TMEM232: variants seen among roughly 807,000 people sequenced by gnomAD.
TMEM232 encodes transmembrane protein 232.
TMEM232 carries 80 observed loss-of-function variants against 78.8 expected under a neutral mutation model. The observed-to-expected ratio is 1.01, with a 90% CI of 0.85 to 1.22. The LOEUF (loss-of-function observed/expected upper bound fraction) is 1.22, where lower values mean the gene tolerates loss of function less well. Ranked by LOEUF, TMEM232 falls within the 50% of genes most tolerant of loss-of-function variation. The pLI is 0.00. For synonymous variants in TMEM232, 297 were observed against 254.3 expected (o/e 1.17, Z -1.60); for missense variants, 881 against 742.2 (o/e 1.19, Z -2.17).
At position 110,699,114 on chromosome 5, in the gene TMEM232, T is replaced by C. The variant is rs1397569177; in HGVS notation, c.-13+27513A>G. ...CAAACAAAAAAAGCAGGTAAAATAC[T>C]TAAGGTCCTCTGGGAAATGCTCACA... On this transcript the variant is annotated intron_variant, in intron 1 of 13. Transcript: ENST00000455884. 2.0e-5 allele frequency among the ~76,000 whole-genome samples: 3 copies of C among 152,120 alleles called. No homozygotes were observed. In the East Asian group the frequency reaches 5.8e-4, roughly 29 times the overall value.
chr5:110,701,885 T>C (rs572234635), intron 1 of TMEM232, among the ~76,000 whole-genome samples: 68 of 152,118 alleles, frequency 4.5e-4, no homozygotes, highest in African/African-American at 1.6e-3. Context: ...AGAGAAGTCA[T>C]GAGGTATCCA....
chr5:110,487,020 G>T (rs979991168), intron 12 of TMEM232, among the ~76,000 whole-genome samples: 1 of 151,778 alleles, frequency 6.6e-6, no homozygotes, highest in Non-Finnish European at 1.5e-5. Context: ...CCTTCTAGAG[G>T]TCTTTCACCT....
At chr5:110,412,041 T>TA (rs1283136564) in intron 2 of TMEM232, among the ~76,000 whole-genome samples, 4 of 152,170 alleles carry the variant, frequency 2.6e-5, no homozygotes, top group Non-Finnish European at 2.9e-5. Flanking sequence ...CCCATCTTCT[T>TA]AGTGCTTTGA....
At chr5:110,475,378 T>C (rs950106045) in intron 12 of TMEM232, among the ~76,000 whole-genome samples, 1 of 151,686 alleles carries the variant, frequency 6.6e-6, no homozygotes, top group Non-Finnish European at 1.5e-5. Flanking sequence ...CCCTGACAGA[T>C]TGTACTTTTA....
chr5:110,686,032 A>C (rs776504494), intron 1 of TMEM232, among the ~76,000 whole-genome samples: 1 of 151,820 alleles, frequency 6.6e-6, no homozygotes. Flanking sequence ...GGATGGTAAC[A>C]TGGGTATATG....
At chr5:110,423,273 T>C (rs373612186) in intron 13 of TMEM232, among the ~76,000 whole-genome samples, 2 of 152,294 alleles carry the variant, frequency 1.3e-5, no homozygotes, top group African/African-American at 4.8e-5. Context: ...AATAGACTCA[T>C]TTACTTAAAA....
chr5:110,561,663 T>C (rs1288009363), intron 11 of TMEM232, among the ~76,000 whole-genome samples: 1 of 152,076 alleles, frequency 6.6e-6, no homozygotes, highest in African/African-American at 2.4e-5. Flanking sequence ...CAACCACTTA[T>C]TTAGCATATA....
At chr5:110,576,051 G>A (rs1777540181) in intron 10 of TMEM232, among the ~76,000 whole-genome samples, 1 of 151,920 alleles carries the variant, frequency 6.6e-6, no homozygotes, top group South Asian at 2.1e-4. Flanking sequence ...CAATTCCACA[G>A]CACCTTGCAG....
intron 2 of TMEM232, among the ~76,000 whole-genome samples, chr5:110,413,387 T>G (rs2112585405): frequency 6.6e-6 from 1 of 152,280 alleles, no homozygotes; most frequent in Admixed American, 6.5e-5. Context: ...ACTTTTGAGG[T>G]TTTGAGACTT....
At chr5:110,433,099 ATAAATT>A (rs1199872038) in intron 12 of TMEM232, among the ~76,000 whole-genome samples, 1 of 151,690 alleles carries the variant, frequency 6.6e-6, no homozygotes, top group African/African-American at 2.4e-5. Context: ...CTAAGAAATT[ATAAATT>A]TAAATTTGAC....
At chr5:110,648,305 G>C (rs954230592) in intron 2 of TMEM232, among the ~76,000 whole-genome samples, 5 of 152,070 alleles carry the variant, frequency 3.3e-5, no homozygotes, top group African/African-American at 1.2e-4. Flanking sequence ...GCGTGTGGTT[G>C]TGTAAATTGG....
At chr5:110,522,537 A>AGC (rs1191498120) in intron 12 of TMEM232, among the ~76,000 whole-genome samples, 2 of 152,164 alleles carry the variant, frequency 1.3e-5, no homozygotes, top group Non-Finnish European at 2.9e-5. Context: ...GTATGATGTT[A>AGC]GCTGTGGACT....
At chr5:110,685,562 G>A (rs1462580341) in intron 1 of TMEM232, among the ~76,000 whole-genome samples, 1 of 152,078 alleles carries the variant, frequency 6.6e-6, no homozygotes, top group African/African-American at 2.4e-5. Flanking sequence ...TGATGGCAGT[G>A]AAAATAAGCT....
At chr5:110,518,896 AG>A in intron 12 of TMEM232, among the ~76,000 whole-genome samples, 1 of 152,312 alleles carries the variant, frequency 6.6e-6, no homozygotes, top group Non-Finnish European at 1.5e-5. Flanking sequence ...CATATAAATA[AG>A]CACAAAAATA....
At chr5:110,712,760 A>G (rs1796622527) in intron 1 of TMEM232, among the ~76,000 whole-genome samples, 1 of 152,146 alleles carries the variant, frequency 6.6e-6, no homozygotes. Flanking sequence ...TGCAATAACA[A>G]ATGCTGGAGA....
intron 11 of TMEM232, among the ~76,000 whole-genome samples, chr5:110,557,468 G>A (rs1371078632): frequency 1.3e-5 from 2 of 152,136 alleles, no homozygotes; most frequent in Admixed American, 6.5e-5. Flanking sequence ...TTCTCATACT[G>A]CTATAACGAA....
chr5:110,486,676 G>C (rs1764497868), intron 12 of TMEM232, among the ~76,000 whole-genome samples: 1 of 152,040 alleles, frequency 6.6e-6, no homozygotes, highest in Admixed American at 6.6e-5. Context: ...TGGTCTATGT[G>C]CCTATTTTTA....
chr5:110,510,745 T>C (rs1469483827), intron 12 of TMEM232, among the ~76,000 whole-genome samples: 2 of 152,092 alleles, frequency 1.3e-5, no homozygotes, highest in East Asian at 3.9e-4. Flanking sequence ...CACAATAATA[T>C]ACCATCTCAT....
intron 12 of TMEM232, among the ~76,000 whole-genome samples, chr5:110,437,013 T>C (rs1392584871): frequency 6.6e-6 from 1 of 152,074 alleles, no homozygotes; most frequent in Non-Finnish European, 1.5e-5. Context: ...CTCATAGGGA[T>C]TGCACTGATC....
Sources: allele counts gnomAD v4.1 joint callset (sites outside exome capture counted in the v4.1 genomes callset), GRCh38; gene constraint gnomAD v4.1.1; transcripts MANE v1.5; gene names NCBI Gene and HGNC (gene_info 2026-07-23, HGNC 2026-07-21).